The following GUCD1 variants were observed in gnomAD, a reference collection of about 807,000 sequenced individuals.
GUCD1 encodes the protein guanylyl cyclase domain containing 1, also known as protein GUCD1.
Under a neutral mutation model 28.3 loss-of-function variants are expected in GUCD1, and 17 were observed. The ratio of observed to expected loss-of-function variants is 0.60; its 90% CI spans 0.41 to 0.90. GUCD1 has a LOEUF of 0.90. Among genes scored for constraint, GUCD1 ranks in the 40% least tolerant of loss-of-function variants. GUCD1 has a pLI of 0.00. For synonymous variants in GUCD1, 129 were observed against 123.3 expected (o/e 1.05, Z -0.30); for missense variants, 279 against 305.5 (o/e 0.91, Z 0.65).
chr22:24,543,149 C>G, intron 5 of GUCD1, 52 bp from the exon 6 acceptor site: 1 of 1,289,708 alleles, frequency 7.8e-7, no homozygotes, highest in Non-Finnish European at 1.1e-6. Context: ...GAGAGAGCAC[C>G]TACACCACCG....
In GUCD1 at chr22:24,547,024, G is replaced by A. The variant is rs1203810939; in HGVS notation, c.295-19C>T. On this transcript the variant is annotated intron_variant, in intron 3 of 5. Transcript: ENST00000435822. ...AGAAGGACTGAACAGAGAAGAGGGG[G>A]ATGGAGTGGCCACCACCCAGGCTGC... 6.3e-7 allele frequency: 1 copy of A among 1,592,256 alleles called. No homozygotes were observed. Among genetic ancestry groups the A allele is most frequent in the Non-Finnish European group, 8.6e-7 (1 of 1,160,142 alleles).
intron 1 of GUCD1, among the ~76,000 whole-genome samples, chr22:24,553,056 C>T (rs1457584066): frequency 6.6e-6 from 1 of 152,206 alleles, no homozygotes; most frequent in Admixed American, 6.5e-5. Flanking sequence ...CCTAGGGACT[C>T]ATAAAGAGCT....
At chr22:24,548,173 T>C (rs998408131) in intron 2 of GUCD1, 100 bp from the exon 3 acceptor site, 6 of 987,724 alleles carry the variant, frequency 6.1e-6, no homozygotes, top group Non-Finnish European at 9.1e-6. Flanking sequence ...ACAGGTCCCA[T>C]TCCCCAGAAG....
At chr22:24,545,437 T>C (rs2044700876) in intron 4 of GUCD1, among the ~76,000 whole-genome samples, 1 of 151,908 alleles carries the variant, frequency 6.6e-6, no homozygotes, top group African/African-American at 2.4e-5. Context: ...GGGGGTGACC[T>C]TGGGTGTCTC....
chr22:24,546,329 G>A (rs771040437), intron 4 of GUCD1, among the ~76,000 whole-genome samples: 6 of 152,178 alleles, frequency 3.9e-5, no homozygotes, highest in East Asian at 1.9e-4. Context: ...ATATAAATCC[G>A]CAAAGAAAGG....
chr22:24,549,659 C>T (rs117404009), intron 1 of GUCD1, among the ~76,000 whole-genome samples: 1 of 152,126 alleles, frequency 6.6e-6, no homozygotes, highest in African/African-American at 2.4e-5. Flanking sequence ...AGTCCACAGG[C>T]GTGCGCCACC....
intron 4 of GUCD1, 43 bp downstream of exon 4, chr22:24,546,871 C>T (rs1479922434): frequency 1.3e-6 from 2 of 1,517,162 alleles, no homozygotes; most frequent in South Asian, 1.1e-5. Context: ...TGTGGGTGAG[C>T]AGGCATGAGA....
At chr22:24,550,376 G>C (rs1432846757) in intron 1 of GUCD1, among the ~76,000 whole-genome samples, 1 of 152,224 alleles carries the variant, frequency 6.6e-6, no homozygotes, top group Non-Finnish European at 1.5e-5. Context: ...GTGTGCCTTA[G>C]AGGGGATGGG....
chr22:24,555,253 G>C (rs2045021861), upstream of GUCD1: 6 of 1,337,268 alleles, frequency 4.5e-6, no homozygotes, highest in South Asian at 1.2e-4. Flanking sequence ...CTTGATTTAA[G>C]TCTGCTCCGG....
At chr22:24,543,211 T>G in intron 5 of GUCD1, 114 bp from the exon 6 acceptor site, 2 of 750,210 alleles carry the variant, frequency 2.7e-6, no homozygotes, top group Non-Finnish European at 2.4e-6. Context: ...CACATGGCCA[T>G]TCCTCTCAAC....
At chr22:24,553,012 C>A (rs2044923782) in intron 1 of GUCD1, among the ~76,000 whole-genome samples, 1 of 152,082 alleles carries the variant, frequency 6.6e-6, no homozygotes, top group Admixed American at 6.5e-5. Context: ...TCTGGGGACA[C>A]AAAGGTAACT....
At chr22:24,547,862 CCT>C (rs781445267) in intron 3 of GUCD1, 44 bp downstream of exon 3, 3 of 1,606,354 alleles carry the variant, frequency 1.9e-6, no homozygotes, top group Non-Finnish European at 2.6e-6. Flanking sequence ...TGGCCTTATA[CCT>C]CTGTGTGGCC....
intron 2 of GUCD1, among the ~76,000 whole-genome samples, chr22:24,548,505 TC>T (rs1184582966): frequency 6.6e-6 from 1 of 152,188 alleles, no homozygotes; most frequent in Non-Finnish European, 1.5e-5. Context: ...AATGAAAAAC[TC>T]TTGTACAAGG....
At chr22:24,555,495 G>A (rs1469361706), upstream of GUCD1, 17 of 1,254,458 alleles carry the variant, frequency 1.4e-5, no homozygotes, top group Non-Finnish European at 1.8e-5. Flanking sequence ...GTGCATCCCC[G>A]AGGCCCCAAG....
upstream of GUCD1, chr22:24,555,690 G>C (rs1355337028): frequency 5.8e-6 from 9 of 1,550,666 alleles, no homozygotes; most frequent in South Asian, 1.2e-5. Flanking sequence ...GCTGTCCCCG[G>C]TCTGAGGGCC....
upstream of GUCD1, chr22:24,555,548 A>G: frequency 6.7e-7 from 1 of 1,497,684 alleles, no homozygotes; most frequent in Non-Finnish European, 9.1e-7. Context: ...CTGAGCGGGC[A>G]GCCGCTCTAC....
rs772544173 is a variant in GUCD1 at position 24,543,063 on chromosome 22, C to T, written c.663G>A (p.Glu221=). 12 of 1,614,056 alleles carry T rather than the reference C, an allele frequency of 7.4e-6. No homozygotes were observed. Among genetic ancestry groups the T allele is most frequent in the Non-Finnish European group, 1.0e-5 (12 of 1,179,932 alleles). Residue 221 remains glutamate, a synonymous_variant, in exon 6 of 6, where the codon GAG becomes GAA. Transcript: ENST00000435822. The part of the protein sequence containing the change: ...MCSTSISNFE[E]ARTSYGTDED... The stretch of plus-strand genomic sequence containing the variant: ...CATCTGTGCCATAGCTGGTTCTGGC[C>T]TCCTCAAAGTTACTGATGCTGGTGC...
rs1038300052 is a variant in GUCD1 at position 24,542,966 on chromosome 22, G to A, written c.*40C>T. On this transcript the variant is annotated 3_prime_UTR_variant, in exon 6 of 6. Transcript: ENST00000435822. Reference sequence around the variant, plus strand: ...TCCTGAGCGGGCCCGGCTGGGGTGGGGATGGGGTCCGAGGGCCTAGGCGCA... The same window carrying A: ...TCCTGAGCGGGCCCGGCTGGGGTGGAGATGGGGTCCGAGGGCCTAGGCGCA... The A allele has an allele frequency of 1.4e-6, 2 of 1,465,868 alleles. No homozygotes were observed. The highest frequency in any genetic ancestry group is 1.7e-4 in the Middle Eastern group (1 of 5,734). The allele number at this position is 1,465,868 out of a possible 1,614,324, so 90.8% of individuals were successfully genotyped here. A position where few individuals can be genotyped will look rare whatever the true frequency, so the allele number is the denominator to read the frequency against.
intron 1 of GUCD1, among the ~76,000 whole-genome samples, chr22:24,549,464 G>A (rs920227487): frequency 2.0e-5 from 3 of 152,072 alleles, no homozygotes; most frequent in African/African-American, 7.2e-5. Context: ...TTCCCACCAT[G>A]CCTACTCAAA....
Sources: gnomAD v4.1 joint callset for allele counts (sites outside exome capture counted in the v4.1 genomes callset) on GRCh38, gnomAD v4.1.1 for gene constraint, MANE v1.5 for transcripts, NCBI Gene and HGNC (gene_info 2026-07-23, HGNC 2026-07-21) for gene names.